The following ARHGAP10 variants were observed in gnomAD, a reference collection of about 807,000 sequenced individuals.
ARHGAP10 encodes the protein rho GTPase-activating protein 10.
ARHGAP10 carries 87 observed loss-of-function variants against 108.6 expected under a neutral mutation model. That is an observed-to-expected ratio of 0.80 (90% CI 0.67 to 0.96). The LOEUF is 0.96. Among genes scored for constraint, ARHGAP10 ranks in the 40% least tolerant of loss-of-function variants. The probability of loss-of-function intolerance (pLI) is 0.00; values close to 1 mark genes in which losing one functional copy is unlikely to be tolerated. For missense variants in ARHGAP10, 939 were observed against 954.5 expected, an observed-to-expected ratio of 0.98 and a Z score of 0.21; for synonymous variants, 347 against 341.1, an observed-to-expected ratio of 1.02 and a Z score of -0.19.
At chr4:148,041,325 G>A (rs539309342) in intron 19 of ARHGAP10, among the ~76,000 whole-genome samples, 13 of 152,326 alleles carry the variant, frequency 8.5e-5, no homozygotes, top group African/African-American at 3.1e-4. Context: ...AGAACAGCAG[G>A]GAAGGGATTT....
chr4:148,028,789 CA>C (rs1439851500), intron 19 of ARHGAP10, among the ~76,000 whole-genome samples: 10 of 152,044 alleles, frequency 6.6e-5, no homozygotes, highest in Non-Finnish European at 1.5e-4. Flanking sequence ...CACTAGAAAG[CA>C]AAAATAAAAT....
At position 147,768,477 on chromosome 4, in the gene ARHGAP10, C is replaced by T. The variant is rs1046134570; in HGVS notation, c.154+36022C>T. ...GTAACGTAACTTGCCAAATTCCTTG[C>T]CCCATCACAGTGGTCTCCCTAATTA... On this transcript the variant is annotated intron_variant, in intron 1 of 22. Transcript: ENST00000336498. 4.6e-5 allele frequency among the ~76,000 whole-genome samples: 7 copies of T among 151,808 alleles called. No homozygotes were observed. In the East Asian group the frequency reaches 5.8e-4, roughly 13 times the overall value.
intron 10 of ARHGAP10, among the ~76,000 whole-genome samples, chr4:147,906,376 T>C (rs1386627550): frequency 1.3e-5 from 2 of 152,224 alleles, no homozygotes; most frequent in East Asian, 3.8e-4. Flanking sequence ...TTGAAAGTTA[T>C]TGTTCAACAG....
At chr4:147,910,922 A>G (rs2126917104) in intron 12 of ARHGAP10, among the ~76,000 whole-genome samples, 1 of 151,706 alleles carries the variant, frequency 6.6e-6, no homozygotes, top group East Asian at 1.9e-4. Flanking sequence ...CCCCTGAGGC[A>G]CCTTCTTACC....
intron 16 of ARHGAP10, among the ~76,000 whole-genome samples, chr4:147,962,471 G>A (rs1471572605): frequency 6.6e-6 from 1 of 152,164 alleles, no homozygotes; most frequent in East Asian, 1.9e-4. Context: ...GGGAGCTGAG[G>A]CACAGAGAGG....
chr4:148,029,519 A>G (rs976791596), intron 19 of ARHGAP10, among the ~76,000 whole-genome samples: 1 of 152,264 alleles, frequency 6.6e-6, no homozygotes, highest in Non-Finnish European at 1.5e-5. Flanking sequence ...CATTGTTGGC[A>G]TGGATTTTCG....
intron 6 of ARHGAP10, chr4:147,866,504 T>C (rs1734568340): frequency 2.0e-6 from 1 of 499,716 alleles, no homozygotes; most frequent in Non-Finnish European, 3.5e-6. Flanking sequence ...GGCTGTGATA[T>C]TTAAGGGAAA....
intron 1 of ARHGAP10, among the ~76,000 whole-genome samples, chr4:147,772,265 G>C (rs1211378265): frequency 6.6e-6 from 1 of 152,202 alleles, no homozygotes; most frequent in Admixed American, 6.5e-5. Context: ...GTGGACTTCA[G>C]CTCCCTCTCC....
At chr4:147,899,196 A>G (rs1232526705) in intron 10 of ARHGAP10, among the ~76,000 whole-genome samples, 7 of 152,142 alleles carry the variant, frequency 4.6e-5, no homozygotes, top group African/African-American at 1.7e-4. Context: ...AATTCTAAAC[A>G]TCACACCAGC....
intron 10 of ARHGAP10, among the ~76,000 whole-genome samples, chr4:147,894,462 G>A (rs922359868): frequency 1.3e-5 from 2 of 152,086 alleles, no homozygotes; most frequent in Non-Finnish European, 2.9e-5. Flanking sequence ...TCATTTACCG[G>A]ATATAATAAT....
chr4:147,881,772 A>G, intron 9 of ARHGAP10, 66 bp from the exon 10 acceptor site: 2 of 1,453,918 alleles, frequency 1.4e-6, no homozygotes, highest in Non-Finnish European at 1.9e-6. Context: ...TCTCCAGTAT[A>G]GAATGGCTGA....
At chr4:147,833,716 G>C (rs1579096002) in intron 3 of ARHGAP10, among the ~76,000 whole-genome samples, 1 of 150,660 alleles carries the variant, frequency 6.6e-6, no homozygotes, top group East Asian at 2.0e-4. Context: ...TAAGTGTTAA[G>C]CTATTATTTC....
chr4:148,020,088 C>T (rs1480380866), intron 18 of ARHGAP10, among the ~76,000 whole-genome samples: 4 of 152,220 alleles, frequency 2.6e-5, no homozygotes, highest in South Asian at 2.1e-4. Flanking sequence ...GTCATGTCAG[C>T]GCTCAAAAGT....
intron 19 of ARHGAP10, among the ~76,000 whole-genome samples, chr4:148,028,652 G>C (rs1381446005): frequency 6.6e-6 from 1 of 152,190 alleles, no homozygotes; most frequent in Non-Finnish European, 1.5e-5. Flanking sequence ...GAGAAGAGTT[G>C]TAACATTTTG....
At chr4:147,902,654 T>C (rs1415407535) in intron 10 of ARHGAP10, among the ~76,000 whole-genome samples, 1 of 151,890 alleles carries the variant, frequency 6.6e-6, no homozygotes, top group East Asian at 1.9e-4. Context: ...GGTAGGAGAA[T>C]TGCTTGAACC....
chr4:147,840,074 C>T (rs1214227956), intron 3 of ARHGAP10, among the ~76,000 whole-genome samples: 5 of 152,242 alleles, frequency 3.3e-5, no homozygotes, highest in South Asian at 2.1e-4. Flanking sequence ...TGAGGACCTC[C>T]GCTGTCCTCT....
chr4:148,000,361 A>G (rs1035077792), intron 18 of ARHGAP10, among the ~76,000 whole-genome samples: 2 of 152,132 alleles, frequency 1.3e-5, no homozygotes, highest in African/African-American at 2.4e-5. Context: ...AGTCTTTGCT[A>G]TTGTGAATAG....
At chr4:147,921,486 AG>A (rs1425589625) in intron 13 of ARHGAP10, among the ~76,000 whole-genome samples, 1 of 152,192 alleles carries the variant, frequency 6.6e-6, no homozygotes, top group Admixed American at 6.5e-5. Context: ...AAGATGCCCC[AG>A]GGGCTTTCCT....
intron 10 of ARHGAP10, among the ~76,000 whole-genome samples, chr4:147,897,581 AATC>A (rs1736047061): frequency 6.6e-6 from 1 of 152,190 alleles, no homozygotes; most frequent in African/African-American, 2.4e-5. Flanking sequence ...ATTTTAAAAT[AATC>A]ATAATATCTG....
Sources: allele counts gnomAD v4.1 joint callset (sites outside exome capture counted in the v4.1 genomes callset), GRCh38; gene constraint gnomAD v4.1.1; transcripts MANE v1.5; gene names NCBI Gene and HGNC (gene_info 2026-07-23, HGNC 2026-07-21).